Variants in NAALADL2 observed in about 807,000 individuals in gnomAD.
NAALADL2 encodes inactive N-acetylated-alpha-linked acidic dipeptidase-like protein 2.
Under a neutral mutation model 87.2 loss-of-function variants are expected in NAALADL2, and 76 were observed. The observed-to-expected ratio is 0.87, with a 90% confidence interval of 0.72 to 1.05. NAALADL2 has a LOEUF of 1.05. Among genes scored for constraint, NAALADL2 ranks in the 50% least tolerant of loss-of-function variants. The probability of loss-of-function intolerance (pLI) is 0.00; values close to 1 mark genes in which losing one functional copy is unlikely to be tolerated. For missense variants in NAALADL2, 1,089 were observed against 945.8 expected (o/e 1.15, Z -1.99); for synonymous variants, 354 against 331.0 (o/e 1.07, Z -0.75).
At chr3:174,632,508 T>G (rs918583620) in intron 2 of NAALADL2, among the ~76,000 whole-genome samples, 1 of 152,178 alleles carries the variant, frequency 6.6e-6, no homozygotes. Flanking sequence ...GGAATGGGGC[T>G]TGTAATTTTA....
rs140214893 is a variant in NAALADL2 at position 175,300,757 on chromosome 3, T to A, written c.940-23418T>A. 5.9e-3 allele frequency among the ~76,000 whole-genome samples: 463 copies of A among 78,534 alleles called. 2 individuals carry two copies. Among genetic ancestry groups the A allele is most frequent in the South Asian group, 0.018 (39 of 2,146 alleles). 51.5% of individuals were successfully genotyped at this position (78,534 alleles called of 152,430 possible). A position where few individuals can be genotyped will look rare whatever the true frequency, so the allele number is the denominator to read the frequency against. ...ATCTCCTGGATTTATTTATTTATTT[T>A]TATTTATTTATTTATTTATTTATTT... On this transcript the variant is annotated intron_variant, in intron 4 of 13. Coordinates refer to ENST00000454872, the MANE Select transcript of NAALADL2 (RefSeq NM_207015.3).
intron 9 of NAALADL2, among the ~76,000 whole-genome samples, chr3:175,493,515 G>A (rs181594422): frequency 1.4e-4 from 21 of 152,112 alleles, no homozygotes; most frequent in Admixed American, 7.9e-4. Flanking sequence ...CCAGCTCACC[G>A]GAAAGCAACA....
At chr3:174,850,372 AAC>A (rs1725114131) in intron 3 of NAALADL2, among the ~76,000 whole-genome samples, 1 of 152,146 alleles carries the variant, frequency 6.6e-6, no homozygotes, top group Non-Finnish European at 1.5e-5. Context: ...AAATGCTACC[AAC>A]AAGAAACTCA....
chr3:174,604,221 ATTTAC>A, intron 2 of NAALADL2, among the ~76,000 whole-genome samples: 1 of 152,184 alleles, frequency 6.6e-6, no homozygotes, highest in Non-Finnish European at 1.5e-5. Flanking sequence ...CTCTAATAAT[ATTTAC>A]TTTATATATC....
intron 2 of NAALADL2, among the ~76,000 whole-genome samples, chr3:175,167,900 A>G (rs1343766042): frequency 2.6e-5 from 4 of 151,950 alleles, no homozygotes; most frequent in Non-Finnish European, 4.4e-5. Flanking sequence ...GAAATTAGAT[A>G]TATATTTTAT....
intron 2 of NAALADL2, among the ~76,000 whole-genome samples, chr3:174,659,011 C>T (rs574212655): frequency 1.2e-4 from 19 of 152,158 alleles, no homozygotes; most frequent in South Asian, 4.1e-4. Flanking sequence ...TTTTCTGTTT[C>T]TAACTTTAGT....
At chr3:175,734,011 C>T (rs114912667) in intron 11 of NAALADL2, among the ~76,000 whole-genome samples, 3,687 of 152,216 alleles carry the variant, frequency 0.024, 142 homozygotes, top group African/African-American at 0.082. Context: ...CTGCTTTTAC[C>T]GGCTGGTGTT....
chr3:175,627,198 G>A (rs1727102940), intron 10 of NAALADL2, 93 bp from the exon 11 acceptor site: 1 of 962,732 alleles, frequency 1.0e-6, no homozygotes, highest in Non-Finnish European at 1.6e-6. Context: ...AGGCAATTTA[G>A]AGTCCTTTTT....
intron 4 of NAALADL2, among the ~76,000 whole-genome samples, chr3:175,273,733 CGTGT>C (rs35081448): frequency 6.7e-6 from 1 of 148,740 alleles, no homozygotes; most frequent in Non-Finnish European, 1.5e-5. Context: ...TGTGTGTGTG[CGTGT>C]GTGTGTGTGT....
chr3:174,872,933 A>G (rs1187224301), intron 1 of NAALADL2, among the ~76,000 whole-genome samples: 1 of 152,146 alleles, frequency 6.6e-6, no homozygotes, highest in Non-Finnish European at 1.5e-5. Context: ...TTTTGAAAGC[A>G]TTGTCTGGGA....
At chr3:175,767,611 T>C (rs897235411) in intron 13 of NAALADL2, 3 of 152,164 alleles carry the variant, frequency 2.0e-5, no homozygotes, top group African/African-American at 7.2e-5. Context: ...GAGATTAGCA[T>C]GGCCCTTGCG....
At chr3:175,732,874 A>G (rs1412547208) in intron 11 of NAALADL2, among the ~76,000 whole-genome samples, 1 of 102,666 alleles carries the variant, frequency 9.7e-6, no homozygotes, top group African/African-American at 3.9e-5. Context: ...TGTACATGGG[A>G]GGGGAACAAC....
intron 2 of NAALADL2, among the ~76,000 whole-genome samples, chr3:174,710,486 T>A (rs930161162): frequency 4.6e-5 from 7 of 152,122 alleles, no homozygotes; most frequent in Non-Finnish European, 5.9e-5. Context: ...ACTCCAGACC[T>A]CAGGTGGTCT....
intron 1 of NAALADL2, among the ~76,000 whole-genome samples, chr3:174,980,426 G>A (rs918858446): frequency 2.0e-4 from 31 of 152,108 alleles, no homozygotes; most frequent in Non-Finnish European, 3.7e-4. Flanking sequence ...CTTGAACCCA[G>A]GAGTTTGAGG....
chr3:174,959,793 ATCT>A (rs1328787738), intron 1 of NAALADL2, among the ~76,000 whole-genome samples: 1 of 152,070 alleles, frequency 6.6e-6, no homozygotes, highest in Non-Finnish European at 1.5e-5. Flanking sequence ...TTAAGCACTC[ATCT>A]TCTAGTTAGA....
chr3:174,766,355 T>C (rs974091474), intron 3 of NAALADL2, among the ~76,000 whole-genome samples: 2 of 152,236 alleles, frequency 1.3e-5, no homozygotes, highest in African/African-American at 4.8e-5. Flanking sequence ...ATTTTTGATC[T>C]TCACCTTATC....
intron 1 of NAALADL2, among the ~76,000 whole-genome samples, chr3:174,469,266 CTT>C (rs914414673): frequency 7.0e-6 from 1 of 142,556 alleles, no homozygotes. Flanking sequence ...CAGACAGGGT[CTT>C]TTTTTTTTTG....
chr3:175,717,737 G>C (rs1741527077), intron 11 of NAALADL2, among the ~76,000 whole-genome samples: 1 of 148,422 alleles, frequency 6.7e-6, no homozygotes, highest in Admixed American at 6.7e-5. Context: ...TTAATATACA[G>C]ACAGCAACCT....
chr3:174,905,844 G>A (rs1732891266), intron 1 of NAALADL2, among the ~76,000 whole-genome samples: 1 of 151,970 alleles, frequency 6.6e-6, no homozygotes, highest in Non-Finnish European at 1.5e-5. Flanking sequence ...AAAATTATCT[G>A]GGGTTTTATT....
Sources: allele counts gnomAD v4.1 joint callset (sites outside exome capture counted in the v4.1 genomes callset), GRCh38; gene constraint gnomAD v4.1.1; transcripts MANE v1.5; gene names NCBI Gene and HGNC (gene_info 2026-07-23, HGNC 2026-07-21).